KLHL13: variants seen among roughly 807,000 people sequenced by gnomAD.
The protein encoded by KLHL13 is kelch like family member 13, also known as kelch-like protein 13.
KLHL13 carries 10 observed loss-of-function variants against 37.1 expected under a neutral mutation model. The observed-to-expected ratio is 0.27, with a 90% CI of 0.17 to 0.46. The LOEUF (loss-of-function observed/expected upper bound fraction) is 0.46. Among genes scored for constraint, KLHL13 ranks in the 20% least tolerant of loss-of-function variants. The pLI, the probability that KLHL13 is intolerant of heterozygous loss-of-function variation, is 1.00. For missense variants in KLHL13, 360 were observed against 509.3 expected, an observed-to-expected ratio of 0.71 and a Z score of 2.82; for synonymous variants, 163 against 181.2, an observed-to-expected ratio of 0.90 and a Z score of 0.81.
chrX:117,988,171 T>C (rs1367299450), intron 1 of KLHL13, among the ~76,000 whole-genome samples: 1 of 111,944 alleles, frequency 8.9e-6, no homozygotes, highest in African/African-American at 3.2e-5. Flanking sequence ...TTAGAATAGG[T>C]GTTTTATCCA....
intron 1 of KLHL13, among the ~76,000 whole-genome samples, chrX:118,038,106 G>T (rs1055016513): frequency 1.8e-5 from 2 of 112,313 alleles, no homozygotes; most frequent in South Asian, 3.7e-4. Flanking sequence ...ACCAAACAGT[G>T]TCTAACAGAA....
At chrX:118,081,436 C>G (rs1428101719) in intron 1 of KLHL13, among the ~76,000 whole-genome samples, 1 of 110,682 alleles carries the variant, frequency 9.0e-6, no homozygotes, top group Non-Finnish European at 1.9e-5. Flanking sequence ...CCATTTGTTA[C>G]AGTGATGTTG....
intron 1 of KLHL13, among the ~76,000 whole-genome samples, chrX:117,986,363 T>G (rs1221372723): frequency 1.8e-5 from 2 of 111,764 alleles, no homozygotes; most frequent in Non-Finnish European, 3.8e-5. Flanking sequence ...AGTTCAATAT[T>G]ACTGAAAAGT....
At chrX:117,924,869 G>A (rs774377531) in intron 2 of KLHL13, among the ~76,000 whole-genome samples, 28 of 109,992 alleles carry the variant, frequency 2.5e-4, no homozygotes, top group South Asian at 1.9e-3. Context: ...TTTTGATGCT[G>A]GAAAATAGCA....
intron 1 of KLHL13, among the ~76,000 whole-genome samples, chrX:118,031,342 G>A (rs1004415661): frequency 1.9e-5 from 2 of 105,136 alleles, no homozygotes; most frequent in Non-Finnish European, 3.9e-5. Flanking sequence ...TCTTTTTCAT[G>A]AAGTTAGGAA....
chrX:118,090,220 T>C (rs1169939346), intron 1 of KLHL13, among the ~76,000 whole-genome samples: 102 of 110,681 alleles, frequency 9.2e-4, no homozygotes, highest in Non-Finnish European at 1.8e-3. Flanking sequence ...ATTCAGGACA[T>C]AGGCATGGGC....
chrX:118,100,609 C>T (rs1189747848), intron 1 of KLHL13, among the ~76,000 whole-genome samples: 1 of 111,262 alleles, frequency 9.0e-6, no homozygotes, highest in Non-Finnish European at 1.9e-5. Flanking sequence ...ACCTATCAGT[C>T]AGATACAACA....
Position 118,069,556 on chromosome X carries a change from AC to A in KLHL13, c.-56+46951del, listed in dbSNP as rs759468656. 5.4e-5 allele frequency among the ~76,000 whole-genome samples: 6 copies of A among 110,899 alleles called. No individual in the cohort carries two copies. In the South Asian group the frequency reaches 1.1e-3, roughly 21 times the overall value. On this transcript the variant is annotated intron_variant, in intron 1 of 6. Coordinates refer to the KLHL13 transcript ENST00000371882. Reference sequence around the variant, plus strand: ...CCCCTTACATTTATACAAATAAAAAACAATATTAATTCTTCCAGTTCATGAA... The same window carrying A: ...CCCCTTACATTTATACAAATAAAAAAAATATTAATTCTTCCAGTTCATGAA...
chrX:118,022,958 G>T (rs1434658390), intron 1 of KLHL13, among the ~76,000 whole-genome samples: 1 of 111,516 alleles, frequency 9.0e-6, no homozygotes, highest in East Asian at 2.8e-4. Context: ...TTTTTGTCAA[G>T]CTCTTCCTGA....
chrX:118,004,864 T>A (rs1238337001), intron 1 of KLHL13, among the ~76,000 whole-genome samples: 1 of 111,512 alleles, frequency 9.0e-6, no homozygotes, highest in Non-Finnish European at 1.9e-5. Context: ...GTCTGTGCAA[T>A]TCCTGCTGAA....
intron 1 of KLHL13, among the ~76,000 whole-genome samples, chrX:117,991,028 G>A (rs1486621757): frequency 1.8e-5 from 2 of 109,629 alleles, no homozygotes; most frequent in African/African-American, 6.8e-5. Flanking sequence ...TAGGGAGTGG[G>A]TGTGGAGGTT....
chrX:117,963,165 C>T (rs1305952006), intron 1 of KLHL13, among the ~76,000 whole-genome samples: 1 of 111,633 alleles, frequency 9.0e-6, no homozygotes, highest in Non-Finnish European at 1.9e-5. Flanking sequence ...AAATCCTCTC[C>T]AACAAACTGG....
chrX:118,021,039 C>T (rs2054201931), intron 1 of KLHL13, among the ~76,000 whole-genome samples: 1 of 99,724 alleles, frequency 1.0e-5, no homozygotes, highest in Admixed American at 1.1e-4. Flanking sequence ...ATACCTAATG[C>T]TAGATGACGA....
At chrX:117,993,866 A>G (rs1377503353) in intron 1 of KLHL13, among the ~76,000 whole-genome samples, 3 of 108,768 alleles carry the variant, frequency 2.8e-5, no homozygotes, top group Non-Finnish European at 5.7e-5. Flanking sequence ...CCTCCTGAGT[A>G]GCTGGGATTA....
chrX:118,036,543 T>G (rs199626524), intron 1 of KLHL13, among the ~76,000 whole-genome samples: 1 of 111,814 alleles, frequency 8.9e-6, no homozygotes, highest in Non-Finnish European at 1.9e-5. Flanking sequence ...TAGCCATATG[T>G]AGAAAGCTGA....
intron 1 of KLHL13, among the ~76,000 whole-genome samples, chrX:117,949,024 GA>G (rs1170993970): frequency 2.4e-4 from 27 of 111,910 alleles, no homozygotes; most frequent in African/African-American, 8.8e-4. Flanking sequence ...ATCTTGCCTC[GA>G]AATGTCCACA....
At chrX:118,111,524 G>A (rs974837511) in intron 1 of KLHL13, among the ~76,000 whole-genome samples, 5 of 112,667 alleles carry the variant, frequency 4.4e-5, no homozygotes, top group African/African-American at 1.3e-4. Flanking sequence ...TTGGGAGCCC[G>A]AGGTGGGTGG....
At chrX:117,965,305 T>C (rs766858944) in intron 1 of KLHL13, among the ~76,000 whole-genome samples, 89 of 112,135 alleles carry the variant, frequency 7.9e-4, no homozygotes, top group African/African-American at 1.9e-3. Flanking sequence ...CAGTATCTCA[T>C]TGTGGTTTTG....
chrX:117,924,033 A>G lies in KLHL13; in HGVS notation c.241-3663T>C, dbSNP rs1931869147. On this transcript the variant is annotated intron_variant, in intron 2 of 6. Transcript: ENST00000262820. ...TTTTACATTTATTTTCACAACATACAGTGTCCCTTTCTAAACATTTCATAA... is the reference window on the plus strand; with the variant it reads ...TTTTACATTTATTTTCACAACATACGGTGTCCCTTTCTAAACATTTCATAA... Among the ~76,000 whole-genome samples, 2 of 111,754 alleles carry G rather than the reference A, an allele frequency of 1.8e-5. 1 individual carries two copies. Among genetic ancestry groups the G allele is most frequent in the African/African-American group, 6.5e-5 (2 of 30,799 alleles).
Sources: gnomAD v4.1 joint callset for allele counts (sites outside exome capture counted in the v4.1 genomes callset) on GRCh38, gnomAD v4.1.1 for gene constraint, MANE v1.5 for transcripts, NCBI Gene and HGNC (gene_info 2026-07-23, HGNC 2026-07-21) for gene names.